Variants in SIPA1L3 observed in about 807,000 individuals in gnomAD.
SIPA1L3 encodes the protein signal-induced proliferation-associated 1-like protein 3.
Under a neutral mutation model 150.1 loss-of-function variants are expected in SIPA1L3, and 59 were observed. The ratio of observed to expected loss-of-function variants is 0.39; its 90% confidence interval spans 0.32 to 0.49. The LOEUF (loss-of-function observed/expected upper bound fraction) is 0.49. Among genes scored for constraint, SIPA1L3 ranks in the 20% least tolerant of loss-of-function variants. The pLI is 0.86. For synonymous variants in SIPA1L3, 1,070 were observed against 1,077.6 expected (o/e 0.99, Z 0.14); for missense variants, 2,211 against 2,489.5 (o/e 0.89, Z 2.38).
intron 15 of SIPA1L3, among the ~76,000 whole-genome samples, chr19:38,175,503 C>G (rs180790027): frequency 2.6e-5 from 4 of 152,232 alleles, no homozygotes; most frequent in Admixed American, 1.3e-4. Flanking sequence ...AAATGCTCCC[C>G]TAAGATGTCA....
rs2046451341 is a variant in SIPA1L3 at position 37,920,769 on chromosome 19, CT to C, written c.-379+13414del. Among the ~76,000 whole-genome samples the C allele has an allele frequency of 3.9e-5, 6 of 152,202 alleles. No individual in the cohort carries two copies. The South Asian group carries it at 1.2e-3, about 32-fold the overall frequency. ...ACTTGGCCCAAGGCTTTGGAAGCCCCTTTGATAAAGCCGTGTCTGGCAGCAG... is the reference window on the plus strand; with the variant it reads ...ACTTGGCCCAAGGCTTTGGAAGCCCCTTGATAAAGCCGTGTCTGGCAGCAG... On this transcript the variant is annotated intron_variant, in intron 1 of 21. Transcript: ENST00000222345.
intron 1 of SIPA1L3, among the ~76,000 whole-genome samples, chr19:38,005,879 C>G (rs1407038462): frequency 3.3e-5 from 5 of 152,118 alleles, no homozygotes; most frequent in Non-Finnish European, 7.3e-5. Context: ...GAAACCCCAT[C>G]TCTACAAACA....
intron 1 of SIPA1L3, among the ~76,000 whole-genome samples, chr19:38,002,634 G>A (rs1967833293): frequency 1.4e-5 from 2 of 139,534 alleles, no homozygotes; most frequent in South Asian, 2.3e-4. Context: ...CAGGAGAATC[G>A]CTTGAACCTG....
rs113314636 is a variant in SIPA1L3 at position 38,083,447 on chromosome 19, T to C, written c.1534+348T>C. Among the ~76,000 whole-genome samples the C allele has an allele frequency of 2.0e-4, 31 of 152,336 alleles. 1 individual carries two copies. The highest frequency in any genetic ancestry group is 9.7e-4 in the East Asian group (5 of 5,176). On this transcript the variant is annotated intron_variant, in intron 3 of 21. Coordinates refer to ENST00000222345, the MANE Select transcript of SIPA1L3 (RefSeq NM_015073.3). ...AAATGTTCTGTCTTCCTAGTACTTA[T>C]AATGTTTTCATGGGTAACACAAACA...
intron 13 of SIPA1L3, among the ~76,000 whole-genome samples, chr19:38,154,336 A>G (rs961717740): frequency 3.3e-5 from 5 of 152,252 alleles, no homozygotes; most frequent in Non-Finnish European, 7.3e-5. Context: ...CAGTGTTGCT[A>G]GGAACATTCT....
chr19:37,946,519 T>G (rs2145541212), intron 1 of SIPA1L3, among the ~76,000 whole-genome samples: 1 of 152,332 alleles, frequency 6.6e-6, no homozygotes, highest in African/African-American at 2.4e-5. Flanking sequence ...TCTGGTGAAG[T>G]TTATTGTATA....
intron 1 of SIPA1L3, among the ~76,000 whole-genome samples, chr19:37,979,204 TA>T (rs1052252473): frequency 1.3e-5 from 2 of 152,004 alleles, no homozygotes; most frequent in African/African-American, 4.8e-5. Flanking sequence ...TTTACGTTTT[TA>T]AAAGGTTAAA....
chr19:38,193,250 G>T (rs1972842404), intron 17 of SIPA1L3, among the ~76,000 whole-genome samples: 1 of 151,824 alleles, frequency 6.6e-6, no homozygotes, highest in Admixed American at 6.6e-5. Context: ...CTGGGAAGCT[G>T]AGATAGGAGG....
intron 1 of SIPA1L3, among the ~76,000 whole-genome samples, chr19:37,925,741 G>A (rs898170384): frequency 2.6e-5 from 4 of 151,658 alleles, no homozygotes; most frequent in African/African-American, 9.7e-5. Flanking sequence ...CTACAGGCAC[G>A]CACCACCATG....
chr19:38,010,276 C>G (rs770123115), intron 1 of SIPA1L3, among the ~76,000 whole-genome samples: 4 of 152,072 alleles, frequency 2.6e-5, no homozygotes, highest in Non-Finnish European at 5.9e-5. Flanking sequence ...GGCATGTTGG[C>G]TCACGCTTAT....
At chr19:38,006,029 C>T (rs570678104) in intron 1 of SIPA1L3, among the ~76,000 whole-genome samples, 13 of 152,296 alleles carry the variant, frequency 8.5e-5, no homozygotes, top group Non-Finnish European at 2.9e-5. Context: ...CAGAGTGAGA[C>T]GCTGTCTCAA....
chr19:38,029,791 G>T (rs1161444712), intron 2 of SIPA1L3, among the ~76,000 whole-genome samples: 1 of 150,536 alleles, frequency 6.6e-6, no homozygotes, highest in Non-Finnish European at 1.5e-5. Context: ...TAGAGGTGGG[G>T]TTTCTCCATG....
At chr19:38,038,976 G>A (rs922076646) in intron 2 of SIPA1L3, among the ~76,000 whole-genome samples, 3 of 152,056 alleles carry the variant, frequency 2.0e-5, no homozygotes, top group Non-Finnish European at 4.4e-5. Flanking sequence ...CTCCGCCTCC[G>A]AGGTTCAAGC....
Position 37,962,087 on chromosome 19 carries a change from C to A in SIPA1L3, c.-379+54729C>A, listed in dbSNP as rs117518160. Reference sequence around the variant, plus strand: ...AGAAGGCAATTTCTATTAACTGATTCATTTCCTGAGTATGGGTCACATTTT... The same window carrying A: ...AGAAGGCAATTTCTATTAACTGATTAATTTCCTGAGTATGGGTCACATTTT... On this transcript the variant is annotated intron_variant, in intron 1 of 21. Coordinates refer to ENST00000222345, the MANE Select transcript of SIPA1L3 (RefSeq NM_015073.3). 3.2e-4 allele frequency among the ~76,000 whole-genome samples: 48 copies of A among 151,194 alleles called. No individual in the cohort carries two copies. The East Asian group carries it at 9.3e-3, about 29-fold the overall frequency.
chr19:38,017,140 A>G (rs929404199), intron 1 of SIPA1L3, among the ~76,000 whole-genome samples: 4 of 147,468 alleles, frequency 2.7e-5, no homozygotes, highest in African/African-American at 1.0e-4. Flanking sequence ...CAGGTCATCC[A>G]CCTGCCTCGG....
At chr19:38,161,965 C>G (rs986568274) in intron 13 of SIPA1L3, among the ~76,000 whole-genome samples, 9 of 152,136 alleles carry the variant, frequency 5.9e-5, no homozygotes, top group African/African-American at 1.9e-4. Context: ...TGGCTTCAAC[C>G]CAGGAGTTCA....
chr19:38,029,854 C>CGCTT (rs1968605097), intron 2 of SIPA1L3, among the ~76,000 whole-genome samples: 1 of 136,410 alleles, frequency 7.3e-6, no homozygotes, highest in Non-Finnish European at 1.6e-5. Flanking sequence ...CCACCTCGGC[C>CGCTT]TCTTTTTTTT....
At chr19:37,950,359 A>T (rs1226190578) in intron 1 of SIPA1L3, among the ~76,000 whole-genome samples, 2 of 152,170 alleles carry the variant, frequency 1.3e-5, no homozygotes, top group East Asian at 3.9e-4. Flanking sequence ...CTGAGGCCGG[A>T]TGGTGCTCTA....
At chr19:38,148,262 A>G (rs1410204578) in intron 12 of SIPA1L3, among the ~76,000 whole-genome samples, 1 of 151,250 alleles carries the variant, frequency 6.6e-6, no homozygotes, top group African/African-American at 2.4e-5. Context: ...GAGGCAGGAG[A>G]ATCACTTGAA....
Sources: allele counts gnomAD v4.1 joint callset (sites outside exome capture counted in the v4.1 genomes callset), GRCh38; gene constraint gnomAD v4.1.1; transcripts MANE v1.5; gene names NCBI Gene and HGNC (gene_info 2026-07-23, HGNC 2026-07-21).